Variants in DIPK2B observed in about 807,000 individuals in gnomAD.
DIPK2B encodes the protein UPF0672 protein CXorf36.
Under a neutral mutation model 22.2 loss-of-function variants are expected in DIPK2B, and 15 were observed. That is an observed-to-expected ratio of 0.68 (90% CI 0.45 to 1.04). DIPK2B has a LOEUF of 1.04. Ranked by LOEUF, DIPK2B falls within the 50% of genes least tolerant of loss-of-function variation. DIPK2B has a pLI of 0.00. For missense variants in DIPK2B, 345 were observed against 348.3 expected (o/e 0.99, Z 0.08); for synonymous variants, 163 against 153.2 (o/e 1.06, Z -0.47).
At chrX:45,182,112 C>T (rs112459454) in intron 2 of DIPK2B, among the ~76,000 whole-genome samples, 27 of 108,431 alleles carry the variant, frequency 2.5e-4, no homozygotes, top group African/African-American at 8.4e-4. Flanking sequence ...GGTGAAAAGG[C>T]AAGCCCCAGC....
At chrX:45,157,047 C>T (rs2046999339) in intron 3 of DIPK2B, among the ~76,000 whole-genome samples, 1 of 109,890 alleles carries the variant, frequency 9.1e-6, no homozygotes, top group Admixed American at 9.8e-5. Context: ...CTCCTCTCTC[C>T]CAATTTCTAG....
chrX:45,186,262 T>G (rs183262529), intron 2 of DIPK2B, among the ~76,000 whole-genome samples: 1 of 111,543 alleles, frequency 9.0e-6, no homozygotes, highest in East Asian at 2.8e-4. Context: ...TTCCATAATG[T>G]CTGTCCAGTT....
chrX:45,164,213 A>C, intron 2 of DIPK2B: 1 of 1,204,321 alleles, frequency 8.3e-7, no homozygotes, highest in Non-Finnish European at 1.1e-6. Context: ...CTCAGCATAC[A>C]CAGGAACTTT....
chrX:45,170,204 A>G (rs1186078712), intron 2 of DIPK2B, among the ~76,000 whole-genome samples: 1 of 101,868 alleles, frequency 9.8e-6, no homozygotes, highest in Non-Finnish European at 2.0e-5. Flanking sequence ...AGATTGCACC[A>G]CTGCACTCCA....
chrX:45,190,126 A>G (rs1320938534), intron 2 of DIPK2B, among the ~76,000 whole-genome samples: 4 of 112,536 alleles, frequency 3.6e-5, no homozygotes, highest in African/African-American at 1.3e-4. Context: ...GGACTTCTAA[A>G]GCATATTCTT....
At chrX:45,178,655 G>A (rs760933547) in intron 2 of DIPK2B, among the ~76,000 whole-genome samples, 2 of 111,605 alleles carry the variant, frequency 1.8e-5, no homozygotes, top group African/African-American at 6.5e-5. Flanking sequence ...AAATGGCTGG[G>A]ATTTGGGAGA....
chrX:45,158,049 T>G (rs1311585495), intron 2 of DIPK2B, among the ~76,000 whole-genome samples, 161 bp from the exon 3 acceptor site: 58 of 3,879 alleles, frequency 0.015, no homozygotes, highest in African/African-American at 0.02. Flanking sequence ...CCTGCAGGAG[T>G]GGGGATTGTG....
intron 2 of DIPK2B, among the ~76,000 whole-genome samples, chrX:45,167,922 T>C (rs1402883288): frequency 1.8e-5 from 2 of 112,624 alleles, no homozygotes; most frequent in African/African-American, 6.5e-5. Context: ...TGACCTCAGG[T>C]GATCCGCCTG....
chrX:45,178,247 G>T (rs867499845), intron 2 of DIPK2B, among the ~76,000 whole-genome samples: 11 of 111,981 alleles, frequency 9.8e-5, no homozygotes, highest in Middle Eastern at 4.6e-3. Flanking sequence ...TATCCAAAAT[G>T]CCAAAGCATT....
In DIPK2B at chrX:45,197,343, T is replaced by TA. The variant is rs2047244548; in HGVS notation, c.233+3250_233+3251insT. Among the ~76,000 whole-genome samples the TA allele has an allele frequency of 1.3e-4, 15 of 111,293 alleles. No individual in the cohort carries two copies. The Admixed American group carries it at 1.4e-3, about 11-fold the overall frequency. On this transcript the variant is annotated intron_variant, in intron 1 of 4. Coordinates refer to ENST00000398000, the MANE Select transcript of DIPK2B (RefSeq NM_176819.4). ...GCCTCCGCCTCCCGGGTTCAAGCAA[T>TA]TCTCCTGCCTCAGCTTCCCGAGTAG...
intron 1 of DIPK2B, among the ~76,000 whole-genome samples, chrX:45,197,046 G>T (rs2047242326): frequency 8.9e-6 from 1 of 112,006 alleles, no homozygotes; most frequent in African/African-American, 3.2e-5. Flanking sequence ...TATCCAGCCA[G>T]CCTGGGATAC....
intron 2 of DIPK2B, chrX:45,163,124 T>C: frequency 2.3e-5 from 5 of 218,756 alleles, no homozygotes; most frequent in South Asian, 2.2e-4. Context: ...AAAGAGATTA[T>C]CTAGGTAATC....
intron 3 of DIPK2B, among the ~76,000 whole-genome samples, chrX:45,155,427 A>ATATATATATATAT (rs1372510960): frequency 1.2e-5 from 1 of 84,547 alleles, no homozygotes; most frequent in African/African-American, 4.1e-5. Context: ...TGTCTCAAAA[A>ATATATATATATAT]AAAAATATAT....
chrX:45,181,047 G>A (rs1185799152), intron 2 of DIPK2B, among the ~76,000 whole-genome samples: 1 of 111,749 alleles, frequency 8.9e-6, no homozygotes, highest in East Asian at 2.8e-4. Flanking sequence ...TAGCAACAGA[G>A]ACTAGGAGAA....
At chrX:45,185,466 G>T (rs1390860393) in intron 2 of DIPK2B, among the ~76,000 whole-genome samples, 1 of 110,369 alleles carries the variant, frequency 9.1e-6, no homozygotes, top group African/African-American at 3.3e-5. Flanking sequence ...GATTATTCAG[G>T]CTTCGGTTAC....
At chrX:45,163,539 T>C (rs1317057357) in intron 2 of DIPK2B, 1 of 752,701 alleles carries the variant, frequency 1.3e-6, no homozygotes, top group Non-Finnish European at 1.6e-6. Flanking sequence ...CTTTCATCCA[T>C]ACCCCCGAGT....
At chrX:45,153,681 G>A (rs966026190) in intron 4 of DIPK2B, among the ~76,000 whole-genome samples, 4 of 110,879 alleles carry the variant, frequency 3.6e-5, no homozygotes, top group Admixed American at 9.6e-5. Flanking sequence ...TGCTTCTCAT[G>A]GACAAGGCCA....
chrX:45,164,184 G>C (rs767512971), intron 2 of DIPK2B: 2 of 1,192,797 alleles, frequency 1.7e-6, no homozygotes, highest in African/African-American at 3.5e-5. Context: ...TCCATGCCAG[G>C]CTTTTTCACT....
At chrX:45,177,034 G>A (rs999676418) in intron 2 of DIPK2B, among the ~76,000 whole-genome samples, 6 of 111,037 alleles carry the variant, frequency 5.4e-5, no homozygotes, top group Non-Finnish European at 1.1e-4. Flanking sequence ...ATCCCTGCCA[G>A]GTGCAGTAAT....
Sources: allele counts gnomAD v4.1 joint callset (sites outside exome capture counted in the v4.1 genomes callset), GRCh38; gene constraint gnomAD v4.1.1; transcripts MANE v1.5; gene names NCBI Gene and HGNC (gene_info 2026-07-23, HGNC 2026-07-21).